Variants in CPED1 observed in about 807,000 individuals in gnomAD.
CPED1 encodes the protein cadherin like and PC-esterase domain containing 1, also known as cadherin-like and PC-esterase domain-containing protein 1.
CPED1 carries 114 observed loss-of-function variants against 128.2 expected under a neutral mutation model. The observed-to-expected ratio is 0.89, with a 90% CI of 0.76 to 1.04. CPED1 has a LOEUF of 1.04. Ranked by LOEUF, CPED1 falls within the 50% of genes least tolerant of loss-of-function variation. The pLI is 0.00. For synonymous variants in CPED1, 462 were observed against 426.7 expected (o/e 1.08, Z -1.02); for missense variants, 1,211 against 1,207.1 (o/e 1.00, Z -0.05).
At chr7:121,007,230 C>CTTTTTTTTTTTTT (rs147867549) in intron 2 of CPED1, among the ~76,000 whole-genome samples, 8 of 115,848 alleles carry the variant, frequency 6.9e-5, no homozygotes, top group Admixed American at 9.4e-5. Flanking sequence ...GTTCAGGTTG[C>CTTTTTTTTTTTTT]ATTTTTTTTT....
chr7:121,191,634 G>C (rs1008025435), intron 16 of CPED1, among the ~76,000 whole-genome samples: 1 of 152,020 alleles, frequency 6.6e-6, no homozygotes. Context: ...CTCAAATTTG[G>C]GTGGTTATTG....
chr7:120,999,862 A>C (rs1296678048), intron 2 of CPED1, among the ~76,000 whole-genome samples: 2 of 152,190 alleles, frequency 1.3e-5, no homozygotes, highest in Non-Finnish European at 2.9e-5. Flanking sequence ...ATACATTTTA[A>C]TGAAGGCTTG....
At position 121,002,772 on chromosome 7, in the gene CPED1, T is replaced by C. The variant is rs929843730; in HGVS notation, c.250-12893T>C. Among the ~76,000 whole-genome samples the C allele has an allele frequency of 4.6e-5, 7 of 152,316 alleles. No individual in the cohort carries two copies. The East Asian group carries it at 1.3e-3, about 29-fold the overall frequency. Reference sequence around the variant, plus strand: ...TTGCGGAAATATATTCTGTCAGACATATAAACTTCACAAGCTAGAATTGTC... The same window carrying C: ...TTGCGGAAATATATTCTGTCAGACACATAAACTTCACAAGCTAGAATTGTC... On this transcript the variant is annotated intron_variant, in intron 2 of 22. Transcript: ENST00000310396.
chr7:121,083,641 GC>G (rs974842468), intron 5 of CPED1: 1 of 152,238 alleles, frequency 6.6e-6, no homozygotes, highest in African/African-American at 2.4e-5. Context: ...TACAGATGGA[GC>G]CAGGCTGCGT....
chr7:121,066,923 C>T (rs1333810686), intron 5 of CPED1, among the ~76,000 whole-genome samples: 1 of 152,028 alleles, frequency 6.6e-6, no homozygotes, highest in Non-Finnish European at 1.5e-5. Context: ...GATATGCAGG[C>T]ATTGTGTTAG....
At chr7:121,130,339 A>C (rs1474664241) in intron 12 of CPED1, 45 bp downstream of exon 12, 3 of 1,497,104 alleles carry the variant, frequency 2.0e-6, no homozygotes, top group African/African-American at 1.4e-5. Flanking sequence ...AAAAATCTCT[A>C]GTTTACAGAT....
chr7:121,203,653 A>G (rs1001517835), intron 16 of CPED1, among the ~76,000 whole-genome samples: 6 of 152,064 alleles, frequency 3.9e-5, no homozygotes, highest in African/African-American at 1.4e-4. Context: ...TTCTGTCTTC[A>G]TGGTGCTGAG....
At chr7:121,129,957 G>A (rs1400143864) in intron 11 of CPED1, among the ~76,000 whole-genome samples, 168 bp from the exon 12 acceptor site, 1 of 151,292 alleles carries the variant, frequency 6.6e-6, no homozygotes, top group Non-Finnish European at 1.5e-5. Flanking sequence ...CTTATAAAAA[G>A]TGGCATTTAC....
At chr7:121,171,696 T>G (rs1020817515) in intron 16 of CPED1, among the ~76,000 whole-genome samples, 5 of 152,144 alleles carry the variant, frequency 3.3e-5, no homozygotes, top group African/African-American at 9.7e-5. Context: ...CCTGAATATT[T>G]TCTTTCCCAG....
In CPED1 at chr7:121,267,212, C is replaced by A. The variant is rs60982266; in HGVS notation, c.2634-3C>A. On this transcript the variant is annotated splice_region_variant and splice_polypyrimidine_tract_variant and intron_variant, in intron 20 of 22. Coordinates refer to ENST00000310396, the MANE Select transcript of CPED1 (RefSeq NM_024913.5). ...ACTTTAGAATTATAATTATCTCATT[C>A]AGGGAAAATTTACTCAATATCCTAG... 1.7e-3 allele frequency: 2,527 copies of A among 1,520,334 alleles called. 25 individuals are homozygous for A. In the African/African-American group the frequency reaches 0.027, roughly 16 times the overall value. The allele number at this position is 1,520,334 out of a possible 1,614,324, so 94.2% of individuals were successfully genotyped here.
chr7:121,275,683 A>G (rs1438680083), intron 22 of CPED1, among the ~76,000 whole-genome samples: 1 of 152,162 alleles, frequency 6.6e-6, no homozygotes, highest in Non-Finnish European at 1.5e-5. Context: ...TCAAACTACC[A>G]CTAATACCAG....
intron 7 of CPED1, among the ~76,000 whole-genome samples, chr7:121,109,344 A>G (rs1795052287): frequency 6.6e-6 from 1 of 152,136 alleles, no homozygotes; most frequent in African/African-American, 2.4e-5. Flanking sequence ...ATTCCTATAC[A>G]CATCACTCTG....
chr7:121,277,415 T>C (rs1367887854), intron 22 of CPED1, among the ~76,000 whole-genome samples: 1 of 151,920 alleles, frequency 6.6e-6, no homozygotes. Flanking sequence ...AGAAAATAGG[T>C]TGTAGTTGAA....
intron 2 of CPED1, among the ~76,000 whole-genome samples, chr7:121,010,764 A>G (rs1173201351): frequency 1.3e-5 from 2 of 152,172 alleles, no homozygotes; most frequent in Non-Finnish European, 2.9e-5. Context: ...CAGTTAAGTC[A>G]GCTGTAAGAT....
At chr7:121,278,274 T>G (rs893825626) in intron 22 of CPED1, among the ~76,000 whole-genome samples, 1 of 151,970 alleles carries the variant, frequency 6.6e-6, no homozygotes, top group Non-Finnish European at 1.5e-5. Context: ...AGAAGGACAG[T>G]TGGAGAAAGG....
chr7:120,999,134 A>C (rs1381857083), intron 2 of CPED1, among the ~76,000 whole-genome samples: 1 of 152,182 alleles, frequency 6.6e-6, no homozygotes, highest in Non-Finnish European at 1.5e-5. Context: ...AGAGCAGGGC[A>C]AGATATGAGA....
chr7:121,157,253 A>G (rs1796308495), intron 16 of CPED1, among the ~76,000 whole-genome samples: 1 of 152,204 alleles, frequency 6.6e-6, no homozygotes, highest in Admixed American at 6.5e-5. Flanking sequence ...GTGCGTGTAT[A>G]GAAGTAAATT....
chr7:121,188,263 C>A (rs973245813), intron 16 of CPED1, among the ~76,000 whole-genome samples: 2 of 151,742 alleles, frequency 1.3e-5, no homozygotes, highest in East Asian at 1.9e-4. Context: ...ATGTTCAATC[C>A]AAATTTATTA....
At chr7:121,124,290 G>A (rs368546611) in intron 7 of CPED1, 41 bp from the exon 8 acceptor site, 3 of 1,553,518 alleles carry the variant, frequency 1.9e-6, no homozygotes, top group African/African-American at 1.4e-5. Context: ...GACAAACTGA[G>A]GCTATTGTTT....
Sources: gnomAD v4.1 joint callset for allele counts (sites outside exome capture counted in the v4.1 genomes callset) on GRCh38, gnomAD v4.1.1 for gene constraint, MANE v1.5 for transcripts, NCBI Gene and HGNC (gene_info 2026-07-23, HGNC 2026-07-21) for gene names.